The following SLC9A8 variants were observed in gnomAD, a reference collection of about 807,000 sequenced individuals.
The protein encoded by SLC9A8 is sodium/hydrogen exchanger 8.
Under a neutral mutation model 66.6 loss-of-function variants are expected in SLC9A8, and 48 were observed. The observed-to-expected ratio is 0.72, with a 90% confidence interval of 0.57 to 0.92. SLC9A8 has a LOEUF of 0.92. Among genes scored for constraint, SLC9A8 ranks in the 40% least tolerant of loss-of-function variants. The probability of loss-of-function intolerance (pLI) is 0.00; values close to 1 mark genes in which losing one functional copy is unlikely to be tolerated. For synonymous variants in SLC9A8, 274 were observed against 282.6 expected, an observed-to-expected ratio of 0.97 and a Z score of 0.31; for missense variants, 599 against 747.3, an observed-to-expected ratio of 0.80 and a Z score of 2.31.
At chr20:49,884,255 A>ACAACACACAC (rs2089768501) in intron 14 of SLC9A8, 189 bp downstream of exon 14, 1 of 276,776 alleles carries the variant, frequency 3.6e-6, no homozygotes, top group Non-Finnish European at 7.0e-6. Flanking sequence ...ACACACACAC[A>ACAACACACAC]CACGACACAC....
At chr20:49,829,804 G>A in intron 3 of SLC9A8, 1 of 554,718 alleles carries the variant, frequency 1.8e-6, no homozygotes, top group Admixed American at 2.0e-5. Flanking sequence ...AAACTCAGGT[G>A]ATGAGAAGTG....
intron 3 of SLC9A8, among the ~76,000 whole-genome samples, chr20:49,836,669 A>T (rs1234199946): frequency 1.3e-5 from 2 of 152,112 alleles, no homozygotes; most frequent in East Asian, 3.8e-4. Flanking sequence ...TGTTAGGAAT[A>T]TCTGTGTACA....
intron 3 of SLC9A8, among the ~76,000 whole-genome samples, chr20:49,828,006 T>C (rs1037696132): frequency 8.6e-5 from 13 of 151,980 alleles, no homozygotes; most frequent in Non-Finnish European, 1.9e-4. Context: ...GTTACAGCTC[T>C]TTTAGAATTT....
intron 3 of SLC9A8, chr20:49,830,738 G>A (rs2087142432): frequency 1.4e-6 from 1 of 732,304 alleles, no homozygotes; most frequent in East Asian, 2.5e-5. Flanking sequence ...CCAAGATGAT[G>A]CTGATTGTAA....
At chr20:49,874,907 T>C in intron 11 of SLC9A8, 86 bp downstream of exon 11, 1 of 920,990 alleles carries the variant, frequency 1.1e-6, no homozygotes, top group Non-Finnish European at 1.8e-6. Context: ...CAGTTGAGAC[T>C]TTCCCTGGCA....
At chr20:49,816,386 C>T (rs1003937919) in intron 2 of SLC9A8, among the ~76,000 whole-genome samples, 1 of 151,352 alleles carries the variant, frequency 6.6e-6, no homozygotes, top group African/African-American at 2.4e-5. Flanking sequence ...TGCCACTGTA[C>T]TGTAGCCTGG....
chr20:49,869,366 C>T (rs1387665060), intron 10 of SLC9A8, among the ~76,000 whole-genome samples: 1 of 151,938 alleles, frequency 6.6e-6, no homozygotes, highest in African/African-American at 2.4e-5. Context: ...TTACAGGTGC[C>T]CACCACCACG....
At position 49,834,388 on chromosome 20, in the gene SLC9A8, G is replaced by GTA. The variant is rs1467586621; in HGVS notation, c.290-5142_290-5141dup. 4.6e-3 allele frequency among the ~76,000 whole-genome samples: 269 copies of GTA among 58,706 alleles called. 10 individuals carry two copies. The highest frequency in any genetic ancestry group is 7.1e-3 in the Non-Finnish European group (233 of 32,824). The allele number at this position is 58,706 out of a possible 152,430, so 38.5% of individuals were successfully genotyped here. A position where few individuals can be genotyped will look rare whatever the true frequency, so the allele number is the denominator to read the frequency against. ...TACTGTGTATATATATATATACTGT[G>GTA]TATATATATATACTGTGTATATATA... On this transcript the variant is annotated intron_variant, in intron 3 of 15. Coordinates refer to ENST00000361573, the MANE Select transcript of SLC9A8 (RefSeq NM_015266.3).
At chr20:49,843,576 G>A (rs1600703873) in intron 4 of SLC9A8, among the ~76,000 whole-genome samples, 2 of 152,228 alleles carry the variant, frequency 1.3e-5, no homozygotes, top group African/African-American at 4.8e-5. Flanking sequence ...TAAATAGACT[G>A]TGTATTACAC....
intron 10 of SLC9A8, among the ~76,000 whole-genome samples, chr20:49,867,219 T>G (rs1268576731): frequency 6.6e-6 from 1 of 152,234 alleles, no homozygotes; most frequent in Non-Finnish European, 1.5e-5. Context: ...TTTATTGTAT[T>G]CCTTTACGGA....
In SLC9A8 at chr20:49,889,722, G is replaced by C. The variant is rs2089999304; in HGVS notation, c.*1786G>C. The stretch of plus-strand genomic sequence containing the variant: ...TCCACCATTTCCTTTTAGTGGAGAA[G>C]AGAGGAAGTCAGAGGGTAGGGACCT... On this transcript the variant is annotated 3_prime_UTR_variant, in exon 16 of 16. Coordinates refer to ENST00000361573, the MANE Select transcript of SLC9A8 (RefSeq NM_015266.3). 1 of 152,168 alleles carries C rather than the reference G, an allele frequency of 6.6e-6. No homozygotes were observed. The highest frequency in any genetic ancestry group is 1.5e-5 in the Non-Finnish European group (1 of 68,030). The allele number at this position is 152,168 out of a possible 1,614,324, so 9.4% of individuals were successfully genotyped here.
At chr20:49,837,955 C>CT (rs1211366473) in intron 3 of SLC9A8, among the ~76,000 whole-genome samples, 1 of 152,122 alleles carries the variant, frequency 6.6e-6, no homozygotes, top group Non-Finnish European at 1.5e-5. Context: ...GACTAGATCT[C>CT]TAAGACTTAA....
intron 3 of SLC9A8, among the ~76,000 whole-genome samples, chr20:49,834,221 A>C (rs1162855172): frequency 7.2e-5 from 10 of 138,804 alleles, no homozygotes; most frequent in African/African-American, 2.7e-4. Context: ...ATATACACAC[A>C]CACACTATGT....
In SLC9A8 at chr20:49,890,665, G is replaced by A. The variant is rs117496773; in HGVS notation, c.*2729G>A. 8.8e-3 allele frequency: 1,344 copies of A among 152,462 alleles called. 13 individuals carry two copies. Among genetic ancestry groups the A allele is most frequent in the Non-Finnish European group, 0.014 (959 of 68,174 alleles). The allele number at this position is 152,462 out of a possible 1,614,324, so 9.4% of individuals were successfully genotyped here. A position where few individuals can be genotyped will look rare whatever the true frequency, so the allele number is the denominator to read the frequency against. Reference sequence around the variant, plus strand: ...TGTGTGGGGTCTCGCAGGGAAAAGGGCTGGCTTCTAGGTCCCCGAGATAAG... The same window carrying A: ...TGTGTGGGGTCTCGCAGGGAAAAGGACTGGCTTCTAGGTCCCCGAGATAAG... On this transcript the variant is annotated 3_prime_UTR_variant, in exon 16 of 16. Transcript: ENST00000361573.
chr20:49,885,763 C>T (rs2089865882), intron 14 of SLC9A8, among the ~76,000 whole-genome samples: 1 of 152,220 alleles, frequency 6.6e-6, no homozygotes, highest in African/African-American at 2.4e-5. Context: ...TCATTATACC[C>T]ACTTTGCAGA....
intron 12 of SLC9A8, among the ~76,000 whole-genome samples, chr20:49,878,931 C>T (rs73613335): frequency 6.6e-6 from 1 of 151,980 alleles, no homozygotes; most frequent in Non-Finnish European, 1.5e-5. Flanking sequence ...GCAGGAGAAT[C>T]GCTTGAACCC....
chr20:49,846,185 C>T (rs1297240958), intron 5 of SLC9A8, among the ~76,000 whole-genome samples: 2 of 152,088 alleles, frequency 1.3e-5, no homozygotes, highest in Admixed American at 1.3e-4. Flanking sequence ...CACTTTTAAG[C>T]CTGCTTGTGT....
chr20:49,837,769 G>A (rs547034819), intron 3 of SLC9A8, among the ~76,000 whole-genome samples: 1 of 152,054 alleles, frequency 6.6e-6, no homozygotes, highest in African/African-American at 2.4e-5. Flanking sequence ...GTATTTCACT[G>A]TGTTGGCCAG....
rs2090025484 is a variant in SLC9A8, at chr20:49,890,832, GGGCT to G, written c.*2899_*2902del. ...CACCCCTCTTCACAGTGGGTGAGCT[GGGCT>G]GGGCTGGCTGGCATGAGGCCAAGGG... On this transcript the variant is annotated 3_prime_UTR_variant, in exon 16 of 16. Coordinates refer to ENST00000361573, the MANE Select transcript of SLC9A8 (RefSeq NM_015266.3). 6.6e-6 allele frequency: 1 copy of G among 152,340 alleles called. No homozygotes were observed. The allele number at this position is 152,340 out of a possible 1,614,324, so 9.4% of individuals were successfully genotyped here. A position where few individuals can be genotyped will look rare whatever the true frequency, so the allele number is the denominator to read the frequency against.
Sources: allele counts gnomAD v4.1 joint callset (sites outside exome capture counted in the v4.1 genomes callset), GRCh38; gene constraint gnomAD v4.1.1; transcripts MANE v1.5; gene names NCBI Gene and HGNC (gene_info 2026-07-23, HGNC 2026-07-21).